Variants in PTPRS observed in about 807,000 individuals in gnomAD.
PTPRS encodes the protein receptor-type tyrosine-protein phosphatase S.
PTPRS carries 63 observed loss-of-function variants against 215.3 expected under a neutral mutation model. The ratio of observed to expected loss-of-function variants is 0.29; its 90% CI spans 0.24 to 0.36. The LOEUF is 0.36. Among genes scored for constraint, PTPRS ranks in the 10% least tolerant of loss-of-function variants. The probability of loss-of-function intolerance (pLI) is 1.00; values close to 1 mark genes in which losing one functional copy is unlikely to be tolerated. For missense variants in PTPRS, 2,258 were observed against 2,825.8 expected (o/e 0.80, Z 4.56); for synonymous variants, 1,404 against 1,191.4 (o/e 1.18, Z -3.68).
chr19:5,300,744 G>A (rs2049275476), intron 1 of PTPRS, among the ~76,000 whole-genome samples: 1 of 145,844 alleles, frequency 6.9e-6, no homozygotes, highest in Admixed American at 6.9e-5. Context: ...CTCCAGCCTG[G>A]GTGATAGAAC....
chr19:5,336,280 G>C (rs2050500600), intron 1 of PTPRS, among the ~76,000 whole-genome samples: 1 of 132,752 alleles, frequency 7.5e-6, no homozygotes, highest in African/African-American at 2.7e-5. Flanking sequence ...GGGGCGGGGG[G>C]GAAACCACAC....
intron 14 of PTPRS, among the ~76,000 whole-genome samples, chr19:5,230,954 C>T (rs1192106565): frequency 6.6e-6 from 1 of 152,196 alleles, no homozygotes; most frequent in East Asian, 1.9e-4. Context: ...CTCCATCCAC[C>T]CGGGGAGCTG....
rs140442085 is a variant in PTPRS at position 5,295,163 on chromosome 19, C to A, written c.-94-8929G>T. ...CCCGTGTGTCAAGAAAGCACCCGTA[C>A]CTCTCGGGCCGACAGTTTCCCCATC... On this transcript the variant is annotated intron_variant, in intron 1 of 37. Transcript: ENST00000262963. This position sits in a 1 kb window ranked among gnomAD's most constrained non-coding sequence, Gnocchi z 4.6. Among the ~76,000 whole-genome samples, 40 of 152,334 alleles carry A rather than the reference C, an allele frequency of 2.6e-4. No individual in the cohort carries two copies. In the East Asian group the frequency reaches 6.6e-3, roughly 25 times the overall value.
chr19:5,222,639 T>TGGGGGG, intron 18 of PTPRS, 50 bp downstream of exon 18: 4 of 787,382 alleles, frequency 5.1e-6, no homozygotes, highest in Non-Finnish European at 6.6e-6. Context: ...GGGGTGGGGG[T>TGGGGGG]GGGCGCAAGG....
intron 18 of PTPRS, 54 bp downstream of exon 18, chr19:5,222,635 G>A: frequency 6.9e-7 from 1 of 1,449,416 alleles, no homozygotes; most frequent in East Asian, 2.6e-5. Context: ...GGCTGGGGTG[G>A]GGGTGGGCGC....
intron 12 of PTPRS, 83 bp downstream of exon 12, chr19:5,240,116 A>T (rs748937486): frequency 7.3e-7 from 1 of 1,379,298 alleles, no homozygotes; most frequent in East Asian, 2.9e-5. Context: ...AGGGACAAAG[A>T]GGGGGAAGAG....
At chr19:5,262,205 G>A (rs375966995) in intron 6 of PTPRS, among the ~76,000 whole-genome samples, 54 of 152,272 alleles carry the variant, frequency 3.5e-4, no homozygotes, top group African/African-American at 1.2e-3. Flanking sequence ...AATCGGGGAC[G>A]TGGAGGCTTT....
chr19:5,306,166 A>T (rs2049487654), intron 1 of PTPRS, among the ~76,000 whole-genome samples: 1 of 135,334 alleles, frequency 7.4e-6, no homozygotes, highest in Admixed American at 7.4e-5. Context: ...TTTTTTTGAG[A>T]CGGAGTCTCA....
chr19:5,247,040 G>A (rs2044559065), intron 9 of PTPRS, among the ~76,000 whole-genome samples: 1 of 151,066 alleles, frequency 6.6e-6, no homozygotes, highest in Non-Finnish European at 1.5e-5. Flanking sequence ...AAAGAGAGAA[G>A]AATAGAAAAT....
chr19:5,221,151 G>A lies in PTPRS; in HGVS notation c.3304C>T (p.Arg1102Cys). 1 of 1,614,050 alleles carries A rather than the reference G, an allele frequency of 6.2e-7. No individual in the cohort carries two copies. The highest frequency in any genetic ancestry group is 8.5e-7 in the Non-Finnish European group (1 of 1,179,998). ...TGGAGGCCGCCCAGGCTGCTGCCGC[G>A]ATTGGTCAGCACAAAGTTGTAGAAG... ...HTFYNFVLTN[R>C]GSSLGGLQQT... The change falls in exon 20 of 38, where the codon CGC becomes TGC. Residue 1102 changes from arginine to cysteine, a missense_variant. Transcript: ENST00000262963.
chr19:5,244,310 G>A lies in PTPRS; in HGVS notation c.1161C>T (p.Tyr387=). ...QIKEDITTTR[Y]SIGGLSPNSE... is the part of the protein sequence containing the mutation. ...AGTTGGGGCTCAGGCCGCCGATGCTGTAACGTGTGGTGGTGATGTCCTCTT... is the reference window on the plus strand; with the variant it reads ...AGTTGGGGCTCAGGCCGCCGATGCTATAACGTGTGGTGGTGATGTCCTCTT... Residue 387 remains tyrosine (Y), a synonymous_variant, in exon 11 of 38, where the codon TAC becomes TAT. Transcript: ENST00000262963. The surrounding 1 kb of genome is among the most constrained non-coding windows in gnomAD (Gnocchi z 7.2). 6.2e-7 allele frequency: 1 copy of A among 1,614,262 alleles called. No homozygotes were observed. The highest frequency in any genetic ancestry group is 1.1e-5 in the South Asian group (1 of 91,088).
At chr19:5,311,655 G>T (rs556440385) in intron 1 of PTPRS, among the ~76,000 whole-genome samples, 1 of 152,326 alleles carries the variant, frequency 6.6e-6, no homozygotes, top group Non-Finnish European at 1.5e-5. Context: ...AAGCTGTTCA[G>T]GGGAGACCCG....
chr19:5,276,616 C>A (rs979273195), intron 2 of PTPRS, among the ~76,000 whole-genome samples: 57 of 150,792 alleles, frequency 3.8e-4, no homozygotes, highest in African/African-American at 1.3e-3. Context: ...TCTCGGCTCA[C>A]TTCAAGCTCC....
At chr19:5,236,317 C>T (rs1278348309) in intron 13 of PTPRS, among the ~76,000 whole-genome samples, 3 of 152,374 alleles carry the variant, frequency 2.0e-5, no homozygotes, top group Non-Finnish European at 4.4e-5. Flanking sequence ...AGCTACCTGT[C>T]CAGGGGCATG....
At position 5,244,152 on chromosome 19, in the gene PTPRS, G is replaced by A. The variant is rs373884789; in HGVS notation, c.1319C>T (p.Ala440Val). 53 of 1,601,920 alleles carry A rather than the reference G, an allele frequency of 3.3e-5. No individual in the cohort carries two copies. The highest frequency in any genetic ancestry group is 4.4e-5 in the Non-Finnish European group (52 of 1,174,344). The change falls in exon 11 of 38, where the codon GCG (alanine) becomes GTG (valine). Residue 440 changes from alanine (A) to valine (V), a missense_variant. Ala to Val is a moderately conservative substitution (Grantham distance 64, BLOSUM62 0). Around this residue, in one of 6 missense-constraint regions of PTPRS, gnomAD observed 508 missense variants for 799.4 expected, o/e 0.64. Transcript: ENST00000262963. The surrounding 1 kb of genome is among the most constrained non-coding windows in gnomAD (Gnocchi z 7.2). ...CTCCCACTGCACAATCATGGTGGTCGCGCTGAGCATCCGGGCTTGCACGTT... is the reference window on the plus strand; with the variant it reads ...CTCCCACTGCACAATCATGGTGGTCACGCTGAGCATCCGGGCTTGCACGTT... Reference protein sequence around the residue: ...PRNVQARMLSATTMIVQWEEP... With the variant: ...PRNVQARMLSVTTMIVQWEEP...
At position 5,244,351 on chromosome 19, in the gene PTPRS, C is replaced by T; in HGVS notation, c.1120G>A (p.Gly374Arg). ...ATGTCCTCTTTAATCTGATACGGCC[C>T]GTCTTGGCTCTTGGATTTATATTCG... ...VIEYKSKSQDGPYQIKEDITT... is the reference protein window; with the variant it reads ...VIEYKSKSQDRPYQIKEDITT... The change falls in exon 11 of 38, where the codon GGG becomes AGG. Residue 374 changes from glycine (G) to arginine (R), a missense_variant. This residue lies in a region of PTPRS where 508 missense variants were observed against 799.4 expected (regional missense o/e 0.64). Transcript: ENST00000262963. The surrounding 1 kb of genome is among the most constrained non-coding windows in gnomAD (Gnocchi z 7.2). 2 of 1,614,180 alleles carry T rather than the reference C, an allele frequency of 1.2e-6. No individual in the cohort carries two copies. Among genetic ancestry groups the T allele is most frequent in the Non-Finnish European group, 1.7e-6 (2 of 1,180,032 alleles).
At chr19:5,232,863 A>G (rs927984572) in intron 13 of PTPRS, among the ~76,000 whole-genome samples, 3 of 152,112 alleles carry the variant, frequency 2.0e-5, no homozygotes, top group African/African-American at 7.2e-5. Flanking sequence ...GGGAACAGCA[A>G]CAGAGCTCTA....
intron 1 of PTPRS, among the ~76,000 whole-genome samples, chr19:5,331,128 TAAAAAAAAAAAAAA>T (rs1041351468): frequency 3.0e-5 from 3 of 100,160 alleles, no homozygotes; most frequent in South Asian, 3.4e-4. Context: ...CTTCTTTTTT[TAAAAAAAAAAAAAA>T]AAAAAAAAGA....
chr19:5,235,369 A>C (rs1385341135), intron 13 of PTPRS, among the ~76,000 whole-genome samples: 2 of 152,212 alleles, frequency 1.3e-5, no homozygotes, highest in Non-Finnish European at 2.9e-5. Flanking sequence ...AAATAGTAAT[A>C]GTTCTTATTG....
Sources: gnomAD v4.1 joint callset for allele counts (sites outside exome capture counted in the v4.1 genomes callset) on GRCh38, gnomAD v4.1.1 for gene constraint, gnomAD v4.1.1 regional missense constraint, Gnocchi (gnomAD v3.1) non-coding constraint, MANE v1.5 for transcripts, NCBI Gene and HGNC (gene_info 2026-07-23, HGNC 2026-07-21) for gene names.